The following FAM120A variants were observed in gnomAD, a reference collection of about 807,000 sequenced individuals.
The protein encoded by FAM120A is constitutive coactivator of PPAR-gamma-like protein 1.
A neutral mutation model predicts 109.7 loss-of-function variants in FAM120A; 15 were observed. The observed-to-expected ratio is 0.14, with a 90% CI of 0.09 to 0.21. FAM120A has a LOEUF of 0.21. FAM120A is among the 10% of genes least tolerant of loss of function. The probability of loss-of-function intolerance (pLI) is 1.00; values close to 1 mark genes in which losing one functional copy is unlikely to be tolerated. For synonymous variants in FAM120A, 493 were observed against 572.8 expected, an observed-to-expected ratio of 0.86 and a Z score of 1.99; for missense variants, 899 against 1,439.3, an observed-to-expected ratio of 0.62 and a Z score of 6.07.
intron 17 of FAM120A, among the ~76,000 whole-genome samples, chr9:93,562,656 TTTCTTTTTC>T (rs1456310567): frequency 2.0e-5 from 3 of 149,858 alleles, no homozygotes; most frequent in African/African-American, 7.5e-5. Flanking sequence ...TTTTTCTTTC[TTTCTTTTTC>T]TTTTTTTTTT....
At chr9:93,469,196 C>T (rs905063964) in intron 1 of FAM120A, among the ~76,000 whole-genome samples, 1 of 152,200 alleles carries the variant, frequency 6.6e-6, no homozygotes, top group African/African-American at 2.4e-5. Context: ...CATTGTTCAC[C>T]ACCCTGTGAA....
rs369403996 is a variant in FAM120A at position 93,532,111 on chromosome 9, A to G, written c.1735-44A>G. Reference sequence around the variant, plus strand: ...TTTCTGTGAGTGTATTGTAAATTCAACATGAAAAATGTGCAATGTTATTCT... The same window carrying G: ...TTTCTGTGAGTGTATTGTAAATTCAGCATGAAAAATGTGCAATGTTATTCT... On this transcript the variant is annotated intron_variant, in intron 9 of 17. Coordinates refer to ENST00000277165, the MANE Select transcript of FAM120A (RefSeq NM_014612.5). The surrounding 1 kb of genome is among the most constrained non-coding windows in gnomAD (Gnocchi z 4.3). 1.7e-5 allele frequency: 27 copies of G among 1,568,780 alleles called. No individual in the cohort carries two copies. The highest frequency in any genetic ancestry group is 2.3e-5 in the South Asian group (2 of 88,762).
At chr9:93,474,960 A>T (rs537458118) in intron 2 of FAM120A, among the ~76,000 whole-genome samples, 8 of 152,294 alleles carry the variant, frequency 5.3e-5, no homozygotes, top group Non-Finnish European at 1.0e-4. Context: ...CAAGCCAGCA[A>T]ACCTGAGCAG....
At chr9:93,560,851 G>A (rs1303626472) in intron 15 of FAM120A, among the ~76,000 whole-genome samples, 1 of 152,182 alleles carries the variant, frequency 6.6e-6, no homozygotes, top group Admixed American at 6.5e-5. Flanking sequence ...ACACTTTATT[G>A]TATCTGTTTC....
At chr9:93,554,419 C>A (rs992966522) in intron 12 of FAM120A, among the ~76,000 whole-genome samples, 3 of 152,152 alleles carry the variant, frequency 2.0e-5, no homozygotes, top group African/African-American at 7.2e-5. Context: ...CCTGTAATCG[C>A]AGCACTTTGG....
intron 3 of FAM120A, among the ~76,000 whole-genome samples, chr9:93,495,319 C>T (rs1225165338): frequency 6.6e-6 from 1 of 152,216 alleles, no homozygotes; most frequent in East Asian, 1.9e-4. Flanking sequence ...AATATACCAC[C>T]ATGATCCTCA....
intron 10 of FAM120A, among the ~76,000 whole-genome samples, chr9:93,536,053 A>G (rs367626477): frequency 1.1e-4 from 17 of 152,328 alleles, no homozygotes; most frequent in African/African-American, 4.1e-4. Flanking sequence ...TTGACACTAA[A>G]TAGGATAGGA....
intron 4 of FAM120A, 43 bp downstream of exon 4, chr9:93,497,642 A>T (rs747786720): frequency 1.3e-6 from 2 of 1,578,524 alleles, no homozygotes; most frequent in Non-Finnish European, 1.7e-6. Flanking sequence ...GATTCATGGG[A>T]TATGACGTTG....
intron 5 of FAM120A, among the ~76,000 whole-genome samples, chr9:93,499,461 T>C (rs908795340): frequency 2.6e-5 from 4 of 151,940 alleles, no homozygotes; most frequent in Admixed American, 2.0e-4. Context: ...CTAATTTTTG[T>C]ATTTTTAGTA....
At chr9:93,554,994 G>A (rs902010922) in intron 12 of FAM120A, among the ~76,000 whole-genome samples, 5 of 152,190 alleles carry the variant, frequency 3.3e-5, no homozygotes, top group Admixed American at 1.3e-4. Flanking sequence ...TTCCAACAGG[G>A]TTGGCTCCCT....
intron 8 of FAM120A, among the ~76,000 whole-genome samples, chr9:93,527,709 G>GC (rs1861150472): frequency 7.8e-6 from 1 of 128,308 alleles, no homozygotes; most frequent in Admixed American, 1.1e-4. Flanking sequence ...TGAAACCTCT[G>GC]CCCCCTGGGT....
chr9:93,550,942 C>T (rs1862074316), intron 12 of FAM120A, among the ~76,000 whole-genome samples: 1 of 152,156 alleles, frequency 6.6e-6, no homozygotes, highest in African/African-American at 2.4e-5. Flanking sequence ...AATGATTTCC[C>T]CTTGTTTACC....
chr9:93,534,851 G>A (rs984835216), intron 10 of FAM120A, among the ~76,000 whole-genome samples: 1 of 152,158 alleles, frequency 6.6e-6, no homozygotes, highest in Non-Finnish European at 1.5e-5. Context: ...AAGGCAGGAA[G>A]GATTGGGGGT....
At chr9:93,543,523 C>A in intron 11 of FAM120A, 52 bp downstream of exon 11, 1 of 1,582,988 alleles carries the variant, frequency 6.3e-7, no homozygotes, top group South Asian at 1.1e-5. Context: ...GGTGTAGGGG[C>A]CATGACCATG....
chr9:93,562,964 G>A lies in FAM120A; in HGVS notation c.3045+660G>A, dbSNP rs140097950. ...ACAGGCGTGAGCCACCATGCCCAGC[G>A]GTCCTGCTATATTTTTATGTTTTAT... On this transcript the variant is annotated intron_variant, in intron 17 of 17. Transcript: ENST00000277165. 5.3e-5 allele frequency among the ~76,000 whole-genome samples: 8 copies of A among 152,124 alleles called. No individual in the cohort carries two copies. In the East Asian group the frequency reaches 1.4e-3, roughly 26 times the overall value.
intron 10 of FAM120A, among the ~76,000 whole-genome samples, chr9:93,543,008 C>T (rs1409879399): frequency 6.6e-6 from 1 of 152,100 alleles, no homozygotes; most frequent in Non-Finnish European, 1.5e-5. Flanking sequence ...TGTGGCCTAA[C>T]TGAAAATCTG....
At chr9:93,540,247 C>T (rs1480847745) in intron 10 of FAM120A, among the ~76,000 whole-genome samples, 3 of 152,196 alleles carry the variant, frequency 2.0e-5, no homozygotes, top group Non-Finnish European at 4.4e-5. Flanking sequence ...AACTGATTGG[C>T]CTAAGGTTCC....
Position 93,529,458 on chromosome 9 carries a change from A to C in FAM120A, c.1612A>C (p.Arg538=), listed in dbSNP as rs1320294955. The C allele has an allele frequency of 1.9e-6, 3 of 1,614,102 alleles. No individual in the cohort carries two copies. Among genetic ancestry groups the C allele is most frequent in the Non-Finnish European group, 8.5e-7 (1 of 1,180,040 alleles). The change falls in exon 9 of 18, where the codon AGG becomes CGG. Residue 538 remains arginine (R), a synonymous_variant. Transcript: ENST00000277165. Reference sequence around the variant, plus strand: ...CCCGTGCCTCCTGTCGATGCCCACCAGGAACCACATGGACATCACCACACC... The same window carrying C: ...CCCGTGCCTCCTGTCGATGCCCACCCGGAACCACATGGACATCACCACACC... ...PIPCLLSMPT[R]NHMDITTPPL...
At chr9:93,499,904 G>C (rs1162918827) in intron 5 of FAM120A, among the ~76,000 whole-genome samples, 2 of 152,250 alleles carry the variant, frequency 1.3e-5, no homozygotes, top group Non-Finnish European at 2.9e-5. Flanking sequence ...CATAGTGTCT[G>C]CTGTATGCTA....
Sources: allele counts gnomAD v4.1 joint callset (sites outside exome capture counted in the v4.1 genomes callset), GRCh38; gene constraint gnomAD v4.1.1; non-coding constraint Gnocchi (gnomAD v3.1); transcripts MANE v1.5; gene names NCBI Gene and HGNC (gene_info 2026-07-23, HGNC 2026-07-21).